PDE4DIP: variants seen among roughly 807,000 people sequenced by gnomAD.
PDE4DIP encodes the protein myomegalin.
In PDE4DIP, 59 loss-of-function variants were observed where a neutral mutation model predicts 221.4. That is an observed-to-expected ratio of 0.27 (90% CI 0.22 to 0.33). PDE4DIP has a LOEUF of 0.33. Among genes scored for constraint, PDE4DIP ranks in the 10% least tolerant of loss-of-function variants. PDE4DIP has a pLI of 1.00. For missense variants in PDE4DIP, 1,036 were observed against 2,154.2 expected, an observed-to-expected ratio of 0.48 and a Z score of 10.28; for synonymous variants, 404 against 815.9, an observed-to-expected ratio of 0.50 and a Z score of 8.60.
Position 148,827,612 on chromosome 1 carries a change from A to T in PDE4DIP, c.233+18875A>T, listed in dbSNP as rs1449304406. 1.6e-4 allele frequency among the ~76,000 whole-genome samples: 18 copies of T among 109,922 alleles called. 1 individual carries two copies. The East Asian group carries it at 5.6e-3, about 34-fold the overall frequency. 72.1% of individuals were successfully genotyped at this position (109,922 alleles called of 152,430 possible). On this transcript the variant is annotated intron_variant, in intron 1 of 45. Transcript: ENST00000524974. ...TGCAACGATTTTAAATATTCTTAGG[A>T]GATACACATTAAATATTTAGGGGTG...
intron 5 of PDE4DIP, among the ~76,000 whole-genome samples, chr1:148,960,129 T>C (rs1244315114): frequency 6.6e-5 from 10 of 152,408 alleles, no homozygotes; most frequent in Admixed American, 5.9e-4. Context: ...AGTACAATTA[T>C]CAAATTTAGA....
chr1:148,866,607 AGGGAGGGAGGGAGGGAGGGAGGG>A (rs1400500389), intron 2 of PDE4DIP: 5 of 30,388 alleles, frequency 1.6e-4, no homozygotes, highest in Admixed American at 5.8e-4. Context: ...GAAGGAAGGA[AGGGAGGGAGGGAGGGAGGGAGGG>A]GGAAGGGAGG....
chr1:148,975,073 A>G (rs1553536178), intron 17 of PDE4DIP, among the ~76,000 whole-genome samples: 1 of 142,308 alleles, frequency 7.0e-6, no homozygotes, highest in South Asian at 2.4e-4. Context: ...CGGGAGCCTC[A>G]GGCAGGAGAA....
intron 1 of PDE4DIP, among the ~76,000 whole-genome samples, chr1:148,826,170 G>T (rs1478936667): frequency 2.1e-5 from 2 of 97,240 alleles, no homozygotes; most frequent in African/African-American, 3.6e-5. Flanking sequence ...TTCTGGTTTT[G>T]ATTTTTTTTC....
intron 43 of PDE4DIP, among the ~76,000 whole-genome samples, chr1:149,031,604 C>A (rs1553637869): frequency 7.4e-6 from 1 of 134,788 alleles, no homozygotes; most frequent in African/African-American, 2.8e-5. Flanking sequence ...ATGCTAAGCA[C>A]TTCTTTCTTG....
chr1:148,934,133 C>T (rs1438430414), intron 4 of PDE4DIP, among the ~76,000 whole-genome samples: 1 of 149,556 alleles, frequency 6.7e-6, no homozygotes, highest in Non-Finnish European at 1.5e-5. Context: ...AACTTTTTCC[C>T]TTCTAGTGAA....
At chr1:148,915,120 C>G (rs1261954474) in intron 1 of PDE4DIP, among the ~76,000 whole-genome samples, 1 of 143,978 alleles carries the variant, frequency 6.9e-6, no homozygotes, top group Admixed American at 6.9e-5. Flanking sequence ...ACTGCCAGTG[C>G]TTTCTTCTGG....
At chr1:148,948,688 A>AC (rs2052400299) in intron 5 of PDE4DIP, among the ~76,000 whole-genome samples, 1 of 149,844 alleles carries the variant, frequency 6.7e-6, no homozygotes, top group African/African-American at 2.5e-5. Flanking sequence ...TAATTGAAAT[A>AC]TACTATGTAT....
chr1:149,009,449 C>T (rs1259362768), intron 29 of PDE4DIP, 119 bp from the exon 33 acceptor site: 8 of 641,356 alleles, frequency 1.2e-5, no homozygotes, highest in Non-Finnish European at 2.0e-5. Context: ...TGGGTTATTT[C>T]CATAATTATC....
intron 1 of PDE4DIP, among the ~76,000 whole-genome samples, chr1:148,813,350 CTTGA>C (rs1666917692): frequency 9.8e-6 from 1 of 102,152 alleles, no homozygotes; most frequent in African/African-American, 3.2e-5. Flanking sequence ...TTTTCATGAG[CTTGA>C]TTATTATCTA....
chr1:148,963,333 A>G (rs1223576393), intron 9 of PDE4DIP, among the ~76,000 whole-genome samples: 2 of 152,222 alleles, frequency 1.3e-5, no homozygotes, highest in Non-Finnish European at 2.9e-5. Context: ...CTTAGAATGT[A>G]TCCCCTGTGG....
chr1:148,898,780 C>T lies in PDE4DIP; in HGVS notation c.141+8886C>T, dbSNP rs1341541911. 9.2e-4 allele frequency among the ~76,000 whole-genome samples: 90 copies of T among 97,964 alleles called. 18 individuals carry two copies. The highest frequency in any genetic ancestry group is 1.4e-3 in the Non-Finnish European group (75 of 52,416). The allele number at this position is 97,964 out of a possible 152,430, so 64.3% of individuals were successfully genotyped here. The stretch of plus-strand genomic sequence containing the variant: ...CTCGTGATCCACCCACTTCGGCCTC[C>T]CAAAGTGCTGAGATTACAGGCATGA... On this transcript the variant is annotated intron_variant, in intron 1 of 43. Transcript: ENST00000369354.
At chr1:149,029,757 G>T in intron 41 of PDE4DIP, 30 bp from the exon 45 acceptor site, 1 of 1,167,726 alleles carries the variant, frequency 8.6e-7, no homozygotes, top group South Asian at 1.3e-5. Context: ...CCTTCTGCCT[G>T]GTCAGTAAGA....
Position 148,968,766 on chromosome 1 carries a change from T to A in PDE4DIP, c.1786-70T>A, listed in dbSNP as rs1347402848. On this transcript the variant is annotated intron_variant, in intron 13 of 43. Coordinates refer to ENST00000369354, the Ensembl canonical transcript of PDE4DIP. ...ACCTCCTTCTTCTATGATAGATTCT[T>A]ATAAGCCCTTTGATATTTAGCAGAG... 5.3e-5 allele frequency: 41 copies of A among 775,636 alleles called. No individual in the cohort carries two copies. The African/African-American group carries it at 6.0e-4, about 11-fold the overall frequency. The allele number at this position is 775,636 out of a possible 1,614,324, so 48.0% of individuals were successfully genotyped here. A position where few individuals can be genotyped will look rare whatever the true frequency, so the allele number is the denominator to read the frequency against.
intron 1 of PDE4DIP, among the ~76,000 whole-genome samples, chr1:148,925,655 C>T (rs623511): frequency 3.9e-5 from 6 of 152,032 alleles, no homozygotes; most frequent in Non-Finnish European, 4.4e-5. Context: ...TGGCACTAGT[C>T]AGCCTGGACA....
At position 148,866,693 on chromosome 1, in the gene PDE4DIP, AT is replaced by A. The variant is rs1278764222; in HGVS notation, c.290-1777del. Among the ~76,000 whole-genome samples the A allele has an allele frequency of 2.2e-3, 119 of 54,014 alleles. 1 individual carries two copies. Among genetic ancestry groups the A allele is most frequent in the African/African-American group, 0.013 (77 of 5,776 alleles). The allele number at this position is 54,014 out of a possible 152,430, so 35.4% of individuals were successfully genotyped here. On this transcript the variant is annotated intron_variant, in intron 2 of 45. Coordinates refer to the PDE4DIP transcript ENST00000524974. ...AGAGAGGTGGGGGAAAAGAGAAAAA[AT>A]AAAGAAAGAGAAAGGAAGAAAGGAA... is the stretch of plus-strand genomic sequence containing the variant.
intron 1 of PDE4DIP, 61 bp from the exon 1 acceptor site, chr1:148,844,367 G>T (rs1476863978): frequency 1.6e-6 from 1 of 638,276 alleles, no homozygotes; most frequent in Non-Finnish European, 2.0e-6. Flanking sequence ...ACTGGTTGTC[G>T]GGAGCCCCGC....
At chr1:149,028,854 A>G in intron 41 of PDE4DIP, 151 bp downstream of exon 44, 1 of 616,154 alleles carries the variant, frequency 1.6e-6, no homozygotes, top group Non-Finnish European at 2.9e-6. Context: ...CCCTGGAGGG[A>G]CATCTCTGAC....
chr1:149,009,554 C>T lies in PDE4DIP; in HGVS notation c.4704-14C>T, dbSNP rs782219024. 6.4e-7 allele frequency: 1 copy of T among 1,559,592 alleles called. No individual in the cohort carries two copies. The highest frequency in any genetic ancestry group is 8.8e-7 in the Non-Finnish European group (1 of 1,135,932). The stretch of plus-strand genomic sequence containing the variant: ...GACCTTGGTTTTACCCGTTGTCCCC[C>T]TTCTCCCCACCAGGCTCAGCAGGGA... On this transcript the variant is annotated splice_polypyrimidine_tract_variant and intron_variant, in intron 29 of 43. Coordinates refer to ENST00000369354, the Ensembl canonical transcript of PDE4DIP.
Sources: allele counts gnomAD v4.1 joint callset (sites outside exome capture counted in the v4.1 genomes callset), GRCh38; gene constraint gnomAD v4.1.1; transcripts MANE v1.5; gene names NCBI Gene and HGNC (gene_info 2026-07-23, HGNC 2026-07-21).